Variants in CHL1 observed in about 807,000 individuals in gnomAD.
The protein encoded by CHL1 is neural cell adhesion molecule L1-like protein.
In CHL1, 96 loss-of-function variants were observed where a neutral mutation model predicts 141.9. The ratio of observed to expected loss-of-function variants is 0.68; its 90% CI spans 0.57 to 0.80. The LOEUF is 0.80. Among genes scored for constraint, CHL1 ranks in the 30% least tolerant of loss-of-function variants. The probability of loss-of-function intolerance (pLI) is 0.00; values close to 1 mark genes in which losing one functional copy is unlikely to be tolerated. For missense variants in CHL1, 1,820 were observed against 1,457.2 expected (o/e 1.25, Z -4.05); for synonymous variants, 613 against 502.2 (o/e 1.22, Z -2.95).
chr3:299,689 C>A (rs893736184), intron 2 of CHL1, among the ~76,000 whole-genome samples: 4 of 152,070 alleles, frequency 2.6e-5, no homozygotes, highest in Admixed American at 2.6e-4. Context: ...CAAACCCATC[C>A]CTCTCCATGA....
At chr3:323,000 A>G (rs1001005354) in intron 3 of CHL1, among the ~76,000 whole-genome samples, 2 of 152,036 alleles carry the variant, frequency 1.3e-5, no homozygotes, top group African/African-American at 4.8e-5. Flanking sequence ...CTAACATTCT[A>G]GTGAACTGGG....
In CHL1 at chr3:382,253, G is replaced by A. The variant is rs1255098135; in HGVS notation, c.1951G>A (p.Gly651Arg). The A allele has an allele frequency of 6.2e-7, 1 of 1,613,604 alleles. No individual in the cohort carries two copies. Among genetic ancestry groups the A allele is most frequent in the Non-Finnish European group, 8.5e-7 (1 of 1,179,744 alleles). The stretch of plus-strand genomic sequence containing the variant: ...GAGTGTTCGGCTGACCTGGGAAGCT[G>A]GAGCTGACCACAACAGCAATATTAG... The part of the protein sequence containing the change: ...NRSVRLTWEA[G>R]ADHNSNISEY... The change falls in exon 17 of 28, where the codon GGA (glycine) becomes AGA (arginine). Residue 651 changes from glycine to arginine, a missense_variant. Coordinates refer to ENST00000256509, the MANE Select transcript of CHL1 (RefSeq NM_006614.4).
intron 1 of CHL1, among the ~76,000 whole-genome samples, chr3:232,681 T>C (rs564009988): frequency 6.6e-6 from 1 of 152,254 alleles, no homozygotes; most frequent in Admixed American, 6.5e-5. Flanking sequence ...ATATTTTCTG[T>C]GTTACAGTTT....
At chr3:214,836 C>T (rs1700179235) in intron 1 of CHL1, among the ~76,000 whole-genome samples, 1 of 152,050 alleles carries the variant, frequency 6.6e-6, no homozygotes, top group Non-Finnish European at 1.5e-5. Flanking sequence ...AATATTATAA[C>T]TCTGTCTTCT....
intron 15 of CHL1, among the ~76,000 whole-genome samples, chr3:372,917 A>T (rs1459519134): frequency 3.3e-5 from 5 of 150,366 alleles, no homozygotes; most frequent in Non-Finnish European, 7.4e-5. Flanking sequence ...CATCTGGTTC[A>T]CGCCTATGCC....
chr3:392,609 T>G (rs1367303804), intron 23 of CHL1, among the ~76,000 whole-genome samples: 1 of 152,152 alleles, frequency 6.6e-6, no homozygotes, highest in African/African-American at 2.4e-5. Context: ...TCATGAAAAT[T>G]TTAGGCTTTC....
chr3:315,598 C>A (rs544866257), intron 2 of CHL1, among the ~76,000 whole-genome samples: 14 of 152,170 alleles, frequency 9.2e-5, no homozygotes, highest in Admixed American at 9.2e-4. Context: ...TTTGAAGAGG[C>A]AAAGAATTTT....
chr3:319,673 G>A lies in CHL1; in HGVS notation c.-94-10G>A, dbSNP rs1170597940. On this transcript the variant is annotated splice_polypyrimidine_tract_variant and intron_variant, in intron 2 of 27. Transcript: ENST00000256509. Reference sequence around the variant, plus strand: ...TGTGAACTAACATGTTATTCTGTTTGTGTTTTTAGTTTCCAGGTTAACTAA... The same window carrying A: ...TGTGAACTAACATGTTATTCTGTTTATGTTTTTAGTTTCCAGGTTAACTAA... 2 of 625,758 alleles carry A rather than the reference G, an allele frequency of 3.2e-6. No homozygotes were observed. The highest frequency in any genetic ancestry group is 5.7e-6 in the Non-Finnish European group (2 of 351,446). The allele number at this position is 625,758 out of a possible 1,614,324, so 38.8% of individuals were successfully genotyped here. A position where few individuals can be genotyped will look rare whatever the true frequency, so the allele number is the denominator to read the frequency against.
intron 15 of CHL1, among the ~76,000 whole-genome samples, chr3:372,821 C>T (rs78500765): frequency 6.7e-6 from 1 of 150,244 alleles, no homozygotes; most frequent in Non-Finnish European, 1.5e-5. Flanking sequence ...GCTTTCTTTT[C>T]TTTCTTTTTT....
intron 1 of CHL1, among the ~76,000 whole-genome samples, chr3:209,132 C>G (rs1348714863): frequency 6.6e-6 from 1 of 152,214 alleles, no homozygotes; most frequent in Non-Finnish European, 1.5e-5. Context: ...ACCTAGATCT[C>G]TTTCTTGGCA....
At chr3:345,585 G>A (rs1403511330) in intron 9 of CHL1, among the ~76,000 whole-genome samples, 1 of 152,068 alleles carries the variant, frequency 6.6e-6, no homozygotes, top group Non-Finnish European at 1.5e-5. Flanking sequence ...CTGGGTTCAA[G>A]CGATTCTCCT....
intron 1 of CHL1, among the ~76,000 whole-genome samples, chr3:241,869 A>G (rs1231876021): frequency 8.9e-6 from 1 of 112,270 alleles, no homozygotes; most frequent in Non-Finnish European, 2.2e-5. Context: ...CTAATAACAG[A>G]GAATAAGTAA....
At chr3:240,030 T>C (rs1233246910) in intron 1 of CHL1, among the ~76,000 whole-genome samples, 1 of 152,222 alleles carries the variant, frequency 6.6e-6, no homozygotes, top group Non-Finnish European at 1.5e-5. Context: ...ATTTTTGCGA[T>C]TGCGAATTGT....
At chr3:259,077 G>A (rs961921028) in intron 2 of CHL1, among the ~76,000 whole-genome samples, 1 of 151,320 alleles carries the variant, frequency 6.6e-6, no homozygotes, top group Non-Finnish European at 1.5e-5. Context: ...GGCATTACAG[G>A]CACATGCCAC....
At chr3:322,672 T>TTATA (rs1199118265) in intron 3 of CHL1, among the ~76,000 whole-genome samples, 26 of 127,862 alleles carry the variant, frequency 2.0e-4, no homozygotes, top group African/African-American at 6.5e-4. Context: ...ATATATATAA[T>TTATA]TATATATATA....
chr3:210,635 C>G (rs1008250275), intron 1 of CHL1, among the ~76,000 whole-genome samples: 18 of 152,240 alleles, frequency 1.2e-4, no homozygotes, highest in Non-Finnish European at 7.3e-5. Flanking sequence ...TCAAAGGAAA[C>G]TCTCATCCAA....
chr3:354,766 T>G lies in CHL1; in HGVS notation c.1160T>G (p.Val387Gly). 1.9e-6 allele frequency: 3 copies of G among 1,613,548 alleles called. No homozygotes were observed. The highest frequency in any genetic ancestry group is 2.5e-6 in the Non-Finnish European group (3 of 1,179,698). ...TIKWRVNGSP[V>G]DNHPFAGDVV... is the part of the protein sequence containing the mutation. ...AAGTGGAGAGTCAATGGCTCCCCAG[T>G]TGACAGTAAGTTTAAAAACCAATTG... is the stretch of plus-strand genomic sequence containing the variant. Residue 387 changes from valine (V) to glycine (G), a missense_variant, in exon 11 of 28, where the codon GTT becomes GGT. Physicochemically the swap from Val to Gly is moderately radical, Grantham distance 109 (BLOSUM62 -3). Coordinates refer to ENST00000256509, the MANE Select transcript of CHL1 (RefSeq NM_006614.4).
rs554560801 is a variant in CHL1, at chr3:305,928, C to G, written c.-94-13755C>G. ...AAACAGTAGTTCTTAGAAATATTAT[C>G]AATATTGGAATCAAAACACATAAGA... On this transcript the variant is annotated intron_variant, in intron 2 of 27. Transcript: ENST00000256509. Among the ~76,000 whole-genome samples the G allele has an allele frequency of 1.1e-4, 16 of 152,002 alleles. 1 individual carries two copies. The South Asian group carries it at 3.3e-3, about 32-fold the overall frequency.
At chr3:206,297 G>A (rs954773669) in intron 1 of CHL1, among the ~76,000 whole-genome samples, 2 of 151,786 alleles carry the variant, frequency 1.3e-5, no homozygotes, top group Non-Finnish European at 2.9e-5. Context: ...GTGAAACTTC[G>A]TCTCTACTAA....
Sources: allele counts gnomAD v4.1 joint callset (sites outside exome capture counted in the v4.1 genomes callset), GRCh38; gene constraint gnomAD v4.1.1; transcripts MANE v1.5; gene names NCBI Gene and HGNC (gene_info 2026-07-23, HGNC 2026-07-21).